Variants in BCAT1 observed in about 807,000 individuals in gnomAD.
The protein encoded by BCAT1 is branched-chain-amino-acid aminotransferase, cytosolic.
Under a neutral mutation model 52.4 loss-of-function variants are expected in BCAT1, and 48 were observed. The ratio of observed to expected loss-of-function variants is 0.92; its 90% CI spans 0.73 to 1.16. The LOEUF (loss-of-function observed/expected upper bound fraction) is 1.16. Among genes scored for constraint, BCAT1 ranks in the 50% most tolerant of loss-of-function variants. The probability of loss-of-function intolerance (pLI) is 0.00; values close to 1 mark genes in which losing one functional copy is unlikely to be tolerated. For missense variants in BCAT1, 451 were observed against 457.1 expected (o/e 0.99, Z 0.12); for synonymous variants, 167 against 161.3 (o/e 1.04, Z -0.27).
intron 8 of BCAT1, 116 bp downstream of exon 8, chr12:24,836,395 A>T: frequency 2.3e-6 from 2 of 858,032 alleles, no homozygotes; most frequent in Non-Finnish European, 3.6e-6. Context: ...GTTAGAATTT[A>T]AAGATTAGAT....
At chr12:24,894,921 T>TC (rs1303635951) in intron 2 of BCAT1, among the ~76,000 whole-genome samples, 1 of 152,222 alleles carries the variant, frequency 6.6e-6, no homozygotes, top group Admixed American at 6.5e-5. Context: ...ATGGTTACAC[T>TC]CCAACTGCCC....
chr12:24,946,496 A>T (rs547122189), intron 1 of BCAT1, among the ~76,000 whole-genome samples: 1 of 152,384 alleles, frequency 6.6e-6, no homozygotes, highest in East Asian at 1.9e-4. Context: ...AATTTATATT[A>T]AAATAACATA....
Position 24,810,555 on chromosome 12 carries a change from T to A in BCAT1, c.*7453A>T, listed in dbSNP as rs1939648470. On this transcript the variant is annotated 3_prime_UTR_variant, in exon 11 of 11. Coordinates refer to ENST00000261192, the MANE Select transcript of BCAT1 (RefSeq NM_005504.7). ...ACCCTCAGGAATGACAGGTCTCTCT[T>A]TCTCACGCTTGTGGGAATTGAGCGT... The A allele has an allele frequency of 6.6e-6, 1 of 152,202 alleles. No homozygotes were observed. The highest frequency in any genetic ancestry group is 2.1e-4 in the South Asian group (1 of 4,832). The allele number at this position is 152,202 out of a possible 1,614,324, so 9.4% of individuals were successfully genotyped here. A position where few individuals can be genotyped will look rare whatever the true frequency, so the allele number is the denominator to read the frequency against.
At position 24,814,203 on chromosome 12, in the gene BCAT1, AC is replaced by A. The variant is rs1197051098; in HGVS notation, c.*3804del. 1 of 152,156 alleles carries A rather than the reference AC, an allele frequency of 6.6e-6. No homozygotes were observed. Among genetic ancestry groups the A allele is most frequent in the East Asian group, 1.9e-4 (1 of 5,196 alleles). The allele number at this position is 152,156 out of a possible 1,614,324, so 9.4% of individuals were successfully genotyped here. A position where few individuals can be genotyped will look rare whatever the true frequency, so the allele number is the denominator to read the frequency against. On this transcript the variant is annotated 3_prime_UTR_variant, in exon 11 of 11. Coordinates refer to ENST00000261192, the MANE Select transcript of BCAT1 (RefSeq NM_005504.7). Reference sequence around the variant, plus strand: ...ATCCGCATAAGAAGAAATCCACATTACAAGGAAAAGTACTTTGATAATTTTA... The same window carrying A: ...ATCCGCATAAGAAGAAATCCACATTAAAGGAAAAGTACTTTGATAATTTTA...
intron 1 of BCAT1, among the ~76,000 whole-genome samples, chr12:24,929,217 C>T (rs1260005791): frequency 6.6e-6 from 1 of 152,238 alleles, no homozygotes; most frequent in Non-Finnish European, 1.5e-5. Context: ...TTCTAAAGTT[C>T]AGAACGCTGA....
At chr12:24,906,504 G>T (rs982890066) in intron 1 of BCAT1, among the ~76,000 whole-genome samples, 1 of 140,338 alleles carries the variant, frequency 7.1e-6, no homozygotes, top group African/African-American at 2.6e-5. Context: ...GAATCTCTAT[G>T]TCAGTTTTCT....
At chr12:24,825,368 A>G (rs1378549533) in intron 10 of BCAT1, among the ~76,000 whole-genome samples, 1 of 152,060 alleles carries the variant, frequency 6.6e-6, no homozygotes, top group Non-Finnish European at 1.5e-5. Flanking sequence ...AGGACCCTCC[A>G]TACTGTTCTC....
rs1939906127 is a variant in BCAT1, at chr12:24,817,140, CATGGAAAATAAAGACAATATAAGGTA to C, written c.*842_*867del. Reference sequence around the variant, plus strand: ...GAGTATCTCTAATGACTTAGTAGCTCATGGAAAATAAAGACAATATAAGGTAAATCTATACACTGTCAGAATCAATC... The same window carrying C: ...GAGTATCTCTAATGACTTAGTAGCTCAATCTATACACTGTCAGAATCAATC... On this transcript the variant is annotated 3_prime_UTR_variant, in exon 11 of 11. Transcript: ENST00000261192. 1 of 152,154 alleles carries C rather than the reference CATGGAAAATAAAGACAATATAAGGTA, an allele frequency of 6.6e-6. No individual in the cohort carries two copies. Among genetic ancestry groups the C allele is most frequent in the Non-Finnish European group, 1.5e-5 (1 of 68,056 alleles). The allele number at this position is 152,154 out of a possible 1,614,324, so 9.4% of individuals were successfully genotyped here.
At chr12:24,902,095 G>A (rs931633763) in intron 1 of BCAT1, 70 of 1,473,452 alleles carry the variant, frequency 4.8e-5, no homozygotes, top group Non-Finnish European at 6.0e-5. Context: ...CCCTGCCGGG[G>A]TCGCGGCGGT....
At chr12:24,886,254 C>CA (rs1332871759) in intron 3 of BCAT1, among the ~76,000 whole-genome samples, 2 of 151,846 alleles carry the variant, frequency 1.3e-5, no homozygotes, top group African/African-American at 4.8e-5. Flanking sequence ...CTTGTCTCCA[C>CA]AAAAAATTTA....
chr12:24,892,027 T>G (rs1048262979), intron 3 of BCAT1, among the ~76,000 whole-genome samples: 57 of 151,962 alleles, frequency 3.8e-4, no homozygotes, highest in East Asian at 1.2e-3. Flanking sequence ...AAAGTGCTGG[T>G]ATTACAGGCG....
At chr12:24,893,301 T>TA (rs879583916) in intron 3 of BCAT1, among the ~76,000 whole-genome samples, 10 of 152,236 alleles carry the variant, frequency 6.6e-5, no homozygotes, top group Non-Finnish European at 1.5e-4. Flanking sequence ...TATGCTTAGA[T>TA]AAATTACTTT....
Position 24,815,442 on chromosome 12 carries a change from T to C in BCAT1, c.*2566A>G, listed in dbSNP as rs1486662778. ...TTCACATGTTCCTAATGCTAGACCATCTTATGCCTTAAACGATCAATTAGT... is the reference window on the plus strand; with the variant it reads ...TTCACATGTTCCTAATGCTAGACCACCTTATGCCTTAAACGATCAATTAGT... On this transcript the variant is annotated 3_prime_UTR_variant, in exon 11 of 11. Coordinates refer to ENST00000261192, the MANE Select transcript of BCAT1 (RefSeq NM_005504.7). 1 of 152,644 alleles carries C rather than the reference T, an allele frequency of 6.6e-6. No homozygotes were observed. Among genetic ancestry groups the C allele is most frequent in the East Asian group, 1.9e-4 (1 of 5,198 alleles). 9.5% of individuals were successfully genotyped at this position (152,644 alleles called of 1,614,324 possible).
intron 1 of BCAT1, among the ~76,000 whole-genome samples, chr12:24,939,942 A>C (rs1236397049): frequency 6.6e-6 from 1 of 152,178 alleles, no homozygotes; most frequent in Non-Finnish European, 1.5e-5. Context: ...AAAAGGCTTC[A>C]ATTTTTTTCA....
intron 1 of BCAT1, among the ~76,000 whole-genome samples, chr12:24,909,093 C>T (rs1041945612): frequency 6.6e-6 from 1 of 151,794 alleles, no homozygotes. Context: ...CCTTGGATTA[C>T]GGTATACTGA....
chr12:24,948,536 G>T (rs934023408), intron 1 of BCAT1, among the ~76,000 whole-genome samples: 1 of 152,158 alleles, frequency 6.6e-6, no homozygotes, highest in Non-Finnish European at 1.5e-5. Flanking sequence ...GCAGGAAAGC[G>T]CATTTACAGC....
chr12:24,823,301 T>C (rs1372223013), intron 10 of BCAT1, among the ~76,000 whole-genome samples: 1 of 152,178 alleles, frequency 6.6e-6, no homozygotes. Context: ...CTCAAACTCC[T>C]GGGCTCAAGC....
intron 8 of BCAT1, among the ~76,000 whole-genome samples, chr12:24,835,218 C>A: frequency 6.6e-6 from 1 of 152,156 alleles, no homozygotes; most frequent in Non-Finnish European, 1.5e-5. Context: ...AATGTCATGC[C>A]CAATGCGCCA....
At chr12:24,886,778 A>G (rs889881300) in intron 3 of BCAT1, among the ~76,000 whole-genome samples, 6 of 148,268 alleles carry the variant, frequency 4.0e-5, no homozygotes, top group African/African-American at 1.2e-4. Flanking sequence ...CAGAGGATCT[A>G]TTGAGGCCAG....
Sources: allele counts gnomAD v4.1 joint callset (sites outside exome capture counted in the v4.1 genomes callset), GRCh38; gene constraint gnomAD v4.1.1; transcripts MANE v1.5; gene names NCBI Gene and HGNC (gene_info 2026-07-23, HGNC 2026-07-21).